VPS13B: variants seen among roughly 807,000 people sequenced by gnomAD.
The protein encoded by VPS13B is vacuolar protein sorting 13 homolog B.
VPS13B carries 285 observed loss-of-function variants against 426.4 expected under a neutral mutation model. That is an observed-to-expected ratio of 0.67 (90% CI 0.61 to 0.74). The LOEUF (loss-of-function observed/expected upper bound fraction) is 0.74, where lower values mean the gene tolerates loss of function less well. Among genes scored for constraint, VPS13B ranks in the 30% least tolerant of loss-of-function variants. VPS13B has a pLI of 0.00. For synonymous variants in VPS13B, 1,676 were observed against 1,676.4 expected (o/e 1.00, Z 0.01); for missense variants, 4,537 against 4,782.6 (o/e 0.95, Z 1.51).
intron 24 of VPS13B, among the ~76,000 whole-genome samples, chr8:99,477,974 T>A (rs1724502630): frequency 2.0e-5 from 3 of 152,088 alleles, no homozygotes; most frequent in Non-Finnish European, 4.4e-5. Context: ...TATTCCAAAG[T>A]TAAATGAGCC....
At chr8:99,134,798 A>G (rs542497898) in intron 9 of VPS13B, 71 bp downstream of exon 9, 1 of 1,325,414 alleles carries the variant, frequency 7.5e-7, no homozygotes, top group East Asian at 2.5e-5. Flanking sequence ...ACCTGTTTTT[A>G]TCAGATGTAG....
At chr8:99,830,166 A>G (rs1223851575) in intron 51 of VPS13B, among the ~76,000 whole-genome samples, 1 of 152,230 alleles carries the variant, frequency 6.6e-6, no homozygotes, top group East Asian at 1.9e-4. Flanking sequence ...GTTGGCAGTC[A>G]GGAACGTTTA....
chr8:99,567,481 T>TTG (rs1202870692), intron 31 of VPS13B, among the ~76,000 whole-genome samples: 1 of 150,240 alleles, frequency 6.7e-6, no homozygotes, highest in African/African-American at 2.4e-5. Context: ...TTGTTGGTGT[T>TTG]TTTTTTTTTT....
intron 34 of VPS13B, among the ~76,000 whole-genome samples, chr8:99,660,079 A>G (rs941312764): frequency 2.6e-5 from 4 of 152,352 alleles, no homozygotes; most frequent in East Asian, 1.9e-4. Flanking sequence ...TCTACTATGC[A>G]TATTCTCACT....
At chr8:99,378,363 A>G (rs1813611845) in intron 19 of VPS13B, among the ~76,000 whole-genome samples, 1 of 152,144 alleles carries the variant, frequency 6.6e-6, no homozygotes. Flanking sequence ...GTTCAAACAC[A>G]CATGCTTTAC....
At chr8:99,013,455 G>A in intron 1 of VPS13B, 108 bp downstream of exon 1, 1 of 366,598 alleles carries the variant, frequency 2.7e-6, no homozygotes, top group South Asian at 2.3e-5. Flanking sequence ...AGGGCCTCGC[G>A]GGGTGGCTGG....
intron 17 of VPS13B, among the ~76,000 whole-genome samples, chr8:99,220,402 C>T (rs1268200395): frequency 2.0e-5 from 3 of 152,148 alleles, no homozygotes; most frequent in African/African-American, 7.2e-5. Context: ...ATTTGTATTT[C>T]ACCTAGACCC....
At chr8:99,840,222 A>G (rs1815611564) in intron 54 of VPS13B, among the ~76,000 whole-genome samples, 1 of 152,256 alleles carries the variant, frequency 6.6e-6, no homozygotes, top group Non-Finnish European at 1.5e-5. Flanking sequence ...CTTTTTATTA[A>G]TGAGTTCAGA....
intron 12 of VPS13B, among the ~76,000 whole-genome samples, chr8:99,141,874 C>T (rs1810440706): frequency 1.5e-5 from 2 of 136,280 alleles, no homozygotes; most frequent in African/African-American, 5.5e-5. Context: ...GAAACCCTGT[C>T]TCTACTAAAA....
At chr8:99,501,880 T>TTCCC (rs746011312) in intron 26 of VPS13B, 22 bp downstream of exon 26, 2 of 1,605,572 alleles carry the variant, frequency 1.2e-6, no homozygotes, top group Admixed American at 1.7e-5. Context: ...CTTTTCTTTC[T>TTCCC]TCCCTCCCTC....
chr8:99,111,094 T>G lies in VPS13B; in HGVS notation c.581-4T>G, dbSNP rs755775465. 6.3e-7 allele frequency: 1 copy of G among 1,599,368 alleles called. No individual in the cohort carries two copies. The highest frequency in any genetic ancestry group is 8.5e-7 in the Non-Finnish European group (1 of 1,172,924). On this transcript the variant is annotated splice_region_variant and splice_polypyrimidine_tract_variant and intron_variant, in intron 5 of 61. Transcript: ENST00000357162. ...TTACTTAAAATGTTTTTTTTTCTTT[T>G]TAGCAACTGATTTGGTGCTGAGAAA... is the stretch of plus-strand genomic sequence containing the variant.
chr8:99,452,978 TAA>T (rs1405871574), intron 23 of VPS13B, among the ~76,000 whole-genome samples: 1 of 152,208 alleles, frequency 6.6e-6, no homozygotes, highest in Admixed American at 6.5e-5. Context: ...ACACTGTGCC[TAA>T]GAGAGGTTTG....
chr8:99,746,017 C>G (rs376243416), intron 39 of VPS13B, among the ~76,000 whole-genome samples: 10 of 152,060 alleles, frequency 6.6e-5, no homozygotes, highest in Admixed American at 2.6e-4. Context: ...TTTCTTAAGT[C>G]TCTTTTAATC....
chr8:99,536,515 T>C, intron 30 of VPS13B: 1 of 351,702 alleles, frequency 2.8e-6, no homozygotes, highest in South Asian at 2.4e-5. Flanking sequence ...ACCATAGTTA[T>C]TTAGTGAAAA....
chr8:99,824,607 T>A (rs1283706987), intron 51 of VPS13B, among the ~76,000 whole-genome samples: 1 of 151,950 alleles, frequency 6.6e-6, no homozygotes, highest in Non-Finnish European at 1.5e-5. Context: ...TTTTTTTTTT[T>A]AATTATACTT....
intron 8 of VPS13B, 45 bp from the exon 9 acceptor site, chr8:99,134,587 C>G (rs1229415842): frequency 4.2e-6 from 6 of 1,437,634 alleles, no homozygotes; most frequent in South Asian, 3.7e-5. Context: ...ATTTATTGCT[C>G]TTTAATACTA....
chr8:99,277,694 A>T (rs1309273168), intron 19 of VPS13B, among the ~76,000 whole-genome samples: 1 of 152,080 alleles, frequency 6.6e-6, no homozygotes, highest in Non-Finnish European at 1.5e-5. Context: ...ACACTCCTTT[A>T]GTTTTCCTTA....
intron 14 of VPS13B, among the ~76,000 whole-genome samples, chr8:99,156,121 C>G (rs1166787854): frequency 6.6e-6 from 1 of 152,058 alleles, no homozygotes; most frequent in Admixed American, 6.5e-5. Context: ...ATGTTTTTGA[C>G]ATTGTGTGGT....
At chr8:99,126,023 G>A (rs1255215611) in intron 8 of VPS13B, among the ~76,000 whole-genome samples, 1 of 151,980 alleles carries the variant, frequency 6.6e-6, no homozygotes, top group Non-Finnish European at 1.5e-5. Context: ...GGCAAGAGGG[G>A]GAGAATTGGC....
Sources: gnomAD v4.1 joint callset for allele counts (sites outside exome capture counted in the v4.1 genomes callset) on GRCh38, gnomAD v4.1.1 for gene constraint, MANE v1.5 for transcripts, NCBI Gene and HGNC (gene_info 2026-07-23, HGNC 2026-07-21) for gene names.